The following GALNT13 variants were observed in gnomAD, a reference collection of about 807,000 sequenced individuals.
GALNT13 encodes UDP-GalNAc:polypeptide N-acetylgalactosaminyltransferase 13.
A neutral mutation model predicts 64.2 loss-of-function variants in GALNT13; 28 were observed. The ratio of observed to expected loss-of-function variants is 0.44; its 90% CI spans 0.32 to 0.60. The LOEUF (loss-of-function observed/expected upper bound fraction) is 0.60. GALNT13 is among the 20% of genes least tolerant of loss of function. The pLI, the probability that GALNT13 is intolerant of heterozygous loss-of-function variation, is 0.05. For synonymous variants in GALNT13, 214 were observed against 224.6 expected (o/e 0.95, Z 0.42); for missense variants, 577 against 669.8 (o/e 0.86, Z 1.53).
At chr2:154,178,744 G>T (rs930190568) in intron 4 of GALNT13, among the ~76,000 whole-genome samples, 7 of 152,004 alleles carry the variant, frequency 4.6e-5, no homozygotes, top group African/African-American at 1.7e-4. Context: ...TCTCCCTGTT[G>T]CCGGCATCAT....
At chr2:153,474,208 G>C in the GALNT13 span, among the ~76,000 whole-genome samples, 1 of 152,174 alleles carries the variant, frequency 6.6e-6, no homozygotes, top group Admixed American at 6.5e-5. Context: ...AACATCTTAA[G>C]AGAGAACACG....
the GALNT13 span, among the ~76,000 whole-genome samples, chr2:153,706,830 A>T: frequency 6.6e-6 from 1 of 152,194 alleles, no homozygotes; most frequent in Non-Finnish European, 1.5e-5. Context: ...AAAACTGAAT[A>T]AACTACCTAG....
chr2:153,100,700 A>T, the GALNT13 span, among the ~76,000 whole-genome samples: 1 of 152,230 alleles, frequency 6.6e-6, no homozygotes, highest in African/African-American at 2.4e-5. Flanking sequence ...ACAGGCATAC[A>T]CATAGACTGA....
chr2:153,542,367 AAAC>A, the GALNT13 span, among the ~76,000 whole-genome samples: 62 of 135,212 alleles, frequency 4.6e-4, no homozygotes, highest in African/African-American at 1.9e-3. Flanking sequence ...CACAAAAAAA[AAAC>A]CGGAAGTAGA....
intron 3 of GALNT13, among the ~76,000 whole-genome samples, chr2:154,100,394 G>T (rs115506630): frequency 6.6e-6 from 1 of 152,026 alleles, no homozygotes; most frequent in Non-Finnish European, 1.5e-5. Context: ...GCAGTACTTC[G>T]TAGTTCTCCT....
intron 9 of GALNT13, among the ~76,000 whole-genome samples, chr2:154,373,325 A>T (rs890812687): frequency 2.6e-5 from 4 of 152,172 alleles, no homozygotes; most frequent in Non-Finnish European, 4.4e-5. Context: ...TGTATTACAT[A>T]TATGTACTTG....
chr2:153,321,972 T>TTGTGTG, the GALNT13 span, among the ~76,000 whole-genome samples: 8,480 of 149,254 alleles, frequency 0.057, 277 homozygotes, highest in South Asian at 0.1. Flanking sequence ...GTGTGTAAAG[T>TTGTGTG]TGTGTGTGTG....
the GALNT13 span, among the ~76,000 whole-genome samples, chr2:153,826,844 G>A: frequency 2.7e-4 from 41 of 152,140 alleles, no homozygotes; most frequent in Admixed American, 2.7e-3. Flanking sequence ...ATACAGAAGA[G>A]TGCCAGATTT....
chr2:154,360,768 C>T (rs998392229), intron 9 of GALNT13, among the ~76,000 whole-genome samples: 4 of 152,032 alleles, frequency 2.6e-5, no homozygotes, highest in Admixed American at 1.3e-4. Flanking sequence ...AAGCAGAGCT[C>T]CTGCTTTCAA....
At chr2:154,015,254 T>G (rs1696926785) in intron 3 of GALNT13, among the ~76,000 whole-genome samples, 1 of 152,226 alleles carries the variant, frequency 6.6e-6, no homozygotes, top group South Asian at 2.1e-4. Flanking sequence ...AGAATAAATC[T>G]GATTTAGTGA....
chr2:153,183,098 T>G, the GALNT13 span, among the ~76,000 whole-genome samples: 1 of 152,238 alleles, frequency 6.6e-6, no homozygotes, highest in African/African-American at 2.4e-5. Context: ...TCACCAGCAG[T>G]GTAAAAGTGT....
chr2:154,329,531 A>G (rs1349520732), intron 9 of GALNT13, among the ~76,000 whole-genome samples: 1 of 152,112 alleles, frequency 6.6e-6, no homozygotes, highest in Admixed American at 6.6e-5. Context: ...CTGGACATCT[A>G]GTTTTACACA....
intron 11 of GALNT13, among the ~76,000 whole-genome samples, chr2:154,431,004 C>T (rs1398501948): frequency 6.6e-6 from 1 of 152,124 alleles, no homozygotes; most frequent in Non-Finnish European, 1.5e-5. Flanking sequence ...CTCCTATGCA[C>T]AGGGGAACAA....
At chr2:153,837,760 T>G in the GALNT13 span, among the ~76,000 whole-genome samples, 1 of 152,064 alleles carries the variant, frequency 6.6e-6, no homozygotes, top group Non-Finnish European at 1.5e-5. Flanking sequence ...CAGATACTAA[T>G]TTTACTTTCT....
At chr2:153,434,702 T>G in the GALNT13 span, among the ~76,000 whole-genome samples, 11 of 152,216 alleles carry the variant, frequency 7.2e-5, no homozygotes, top group African/African-American at 2.7e-4. Flanking sequence ...TAAATTTGTT[T>G]GAGTTCATTG....
chr2:153,833,806 A>G, the GALNT13 span, among the ~76,000 whole-genome samples: 1 of 152,096 alleles, frequency 6.6e-6, no homozygotes, highest in Non-Finnish European at 1.5e-5. Context: ...TTGTAAAATC[A>G]ACTCTCCAGG....
At chr2:153,425,760 C>T in the GALNT13 span, among the ~76,000 whole-genome samples, 1 of 151,712 alleles carries the variant, frequency 6.6e-6, no homozygotes, top group East Asian at 1.9e-4. Flanking sequence ...CTGCCCTATG[C>T]CATGGTCTAA....
the GALNT13 span, among the ~76,000 whole-genome samples, chr2:153,699,894 C>G: frequency 6.6e-6 from 1 of 152,094 alleles, no homozygotes; most frequent in Non-Finnish European, 1.5e-5. Flanking sequence ...CGATTCACAG[C>G]CGAATTCTAC....
the GALNT13 span, among the ~76,000 whole-genome samples, chr2:153,206,463 A>G: frequency 1.3e-5 from 2 of 152,092 alleles, no homozygotes; most frequent in Non-Finnish European, 2.9e-5. Flanking sequence ...TTTATGCAGT[A>G]CATGTGATAT....
Sources: gnomAD v4.1 joint callset for allele counts (sites outside exome capture counted in the v4.1 genomes callset) on GRCh38, gnomAD v4.1.1 for gene constraint, MANE v1.5 for transcripts, NCBI Gene and HGNC (gene_info 2026-07-23, HGNC 2026-07-21) for gene names.